Variants in TMEM33 observed in about 807,000 individuals in gnomAD.
TMEM33 encodes transmembrane protein 33.
In TMEM33, 16 loss-of-function variants were observed where a neutral mutation model predicts 29.7. That is an observed-to-expected ratio of 0.54 (90% CI 0.36 to 0.82). The LOEUF (loss-of-function observed/expected upper bound fraction) is 0.82. Among genes scored for constraint, TMEM33 ranks in the 40% least tolerant of loss-of-function variants. The pLI, the probability that TMEM33 is intolerant of heterozygous loss-of-function variation, is 0.00. For missense variants in TMEM33, 252 were observed against 295.3 expected, an observed-to-expected ratio of 0.85 and a Z score of 1.08; for synonymous variants, 112 against 109.4, an observed-to-expected ratio of 1.02 and a Z score of -0.15.
At chr4:41,937,806 A>G (rs1234857987) in intron 1 of TMEM33, among the ~76,000 whole-genome samples, 2 of 152,214 alleles carry the variant, frequency 1.3e-5, no homozygotes, top group Non-Finnish European at 2.9e-5. Context: ...TAGTGGTAAT[A>G]GACATAAGTA....
At chr4:41,949,548 G>A (rs1712948093) in intron 6 of TMEM33, among the ~76,000 whole-genome samples, 163 bp downstream of exon 6, 1 of 152,124 alleles carries the variant, frequency 6.6e-6, no homozygotes, top group South Asian at 2.1e-4. Flanking sequence ...TGGGGTTGGT[G>A]AGGAAGTGGT....
At chr4:41,950,379 AAAAG>A (rs1158822952) in intron 6 of TMEM33, among the ~76,000 whole-genome samples, 3 of 152,224 alleles carry the variant, frequency 2.0e-5, no homozygotes, top group Non-Finnish European at 4.4e-5. Context: ...AAGTACAGTA[AAAAG>A]AACTTGAATT....
intron 5 of TMEM33, among the ~76,000 whole-genome samples, chr4:41,947,503 T>G (rs1712847535): frequency 6.6e-6 from 1 of 152,202 alleles, no homozygotes; most frequent in African/African-American, 2.4e-5. Context: ...CTTAAATGTT[T>G]AATTTAAACA....
Position 41,942,370 on chromosome 4 carries a change from T to C in TMEM33, c.329-1377T>C, listed in dbSNP as rs116410272. Among the ~76,000 whole-genome samples, 733 of 152,330 alleles carry C rather than the reference T, an allele frequency of 4.8e-3. 12 individuals are homozygous for C. Among genetic ancestry groups the C allele is most frequent in the African/African-American group, 0.017 (707 of 41,572 alleles). On this transcript the variant is annotated intron_variant, in intron 3 of 6. Transcript: ENST00000504986. ...GTCAGGATATTAATTTGGAGAACTATATTAGGGAGTTAGGGTTCTTCTAAT... is the reference window on the plus strand; with the variant it reads ...GTCAGGATATTAATTTGGAGAACTACATTAGGGAGTTAGGGTTCTTCTAAT...
intron 6 of TMEM33, among the ~76,000 whole-genome samples, chr4:41,952,431 A>G (rs1332956728): frequency 6.6e-6 from 1 of 152,206 alleles, no homozygotes; most frequent in African/African-American, 2.4e-5. Flanking sequence ...AAAATTGTGA[A>G]TGGTTAAAAT....
At position 41,952,209 on chromosome 4, in the gene TMEM33, C is replaced by T. The variant is rs192682070; in HGVS notation, c.615-1861C>T. Among the ~76,000 whole-genome samples, 304 of 152,242 alleles carry T rather than the reference C, an allele frequency of 2.0e-3. 6 individuals carry two copies. Among genetic ancestry groups the T allele is most frequent in the Admixed American group, 0.018 (282 of 15,294 alleles). On this transcript the variant is annotated intron_variant, in intron 6 of 6. Transcript: ENST00000504986. ...GAAGCCTAAGAGTTGTAATGGTGCT[C>T]TCACGAAGACAGGAGATACAGGAAG...
chr4:41,948,248 A>G (rs925746145), intron 5 of TMEM33, among the ~76,000 whole-genome samples: 3 of 152,188 alleles, frequency 2.0e-5, no homozygotes, highest in Admixed American at 2.0e-4. Context: ...ACTTGTATAT[A>G]TACATTTCTG....
Position 41,952,256 on chromosome 4 carries a change from C to T in TMEM33, c.615-1814C>T, listed in dbSNP as rs139480757. The stretch of plus-strand genomic sequence containing the variant: ...GAAGGGCAGGTTTTGGAAAATTATG[C>T]ATTACTCCAAATATTATTATTCCTG... On this transcript the variant is annotated intron_variant, in intron 6 of 6. Transcript: ENST00000504986. Among the ~76,000 whole-genome samples the T allele has an allele frequency of 2.1e-3, 316 of 152,260 alleles. 1 individual carries two copies. The highest frequency in any genetic ancestry group is 7.1e-3 in the African/African-American group (295 of 41,548).
upstream of TMEM33, chr4:41,935,364 G>A: frequency 9.1e-7 from 1 of 1,095,628 alleles, no homozygotes; most frequent in African/African-American, 1.6e-5. Context: ...GGTGCATCCG[G>A]CCTGTGTGTG....
Position 41,960,711 on chromosome 4 carries a change from A to G in TMEM33, c.*6512A>G, listed in dbSNP as rs927804360. 2.6e-5 allele frequency: 4 copies of G among 152,128 alleles called. No homozygotes were observed. Among genetic ancestry groups the G allele is most frequent in the Non-Finnish European group, 5.9e-5 (4 of 67,980 alleles). 9.4% of individuals were successfully genotyped at this position (152,128 alleles called of 1,614,324 possible). A position where few individuals can be genotyped will look rare whatever the true frequency, so the allele number is the denominator to read the frequency against. ...GCCCATCACAAATAATAGAGATGCC[A>G]TGATTTTGAGGTCTGATGTGAAACT... On this transcript the variant is annotated 3_prime_UTR_variant, in exon 7 of 7. Transcript: ENST00000504986.
chr4:41,953,634 C>G, intron 6 of TMEM33: 1 of 388,644 alleles, frequency 2.6e-6, no homozygotes, highest in Admixed American at 2.9e-5. Context: ...CACTTAGAGG[C>G]CATTACAGGG....
At chr4:41,941,161 G>A (rs1282645418) in intron 3 of TMEM33, among the ~76,000 whole-genome samples, 1 of 152,118 alleles carries the variant, frequency 6.6e-6, no homozygotes, top group Admixed American at 6.5e-5. Flanking sequence ...AATTTTTCCT[G>A]TTTCAATGCA....
At chr4:41,941,295 G>C (rs2153126742) in intron 3 of TMEM33, among the ~76,000 whole-genome samples, 1 of 152,300 alleles carries the variant, frequency 6.6e-6, no homozygotes, top group South Asian at 2.1e-4. Flanking sequence ...GGCTTGACCA[G>C]CCTCTGTTGA....
At chr4:41,947,627 T>G (rs1172160827) in intron 5 of TMEM33, among the ~76,000 whole-genome samples, 1 of 152,198 alleles carries the variant, frequency 6.6e-6, no homozygotes, top group Non-Finnish European at 1.5e-5. Context: ...AAAATCAGCT[T>G]ATAAAGTGGT....
In TMEM33 at chr4:41,943,784, T is replaced by A; in HGVS notation, c.366T>A (p.His122Gln). Residue 122 changes from histidine (H) to glutamine (Q), a missense_variant, in exon 4 of 7, where the codon CAT becomes CAA. Coordinates refer to ENST00000504986, the MANE Select transcript of TMEM33 (RefSeq NM_018126.3). ...CAGTCTTGTTATTCTCTTTGCTTCATGCTGCCACATATACGAAAAAGGTCC... is the reference window on the plus strand; with the variant it reads ...CAGTCTTGTTATTCTCTTTGCTTCAAGCTGCCACATATACGAAAAAGGTCC... ...IFPVLLFSLLHAATYTKKVLD... is the reference protein window; with the variant it reads ...IFPVLLFSLLQAATYTKKVLD... The A allele has an allele frequency of 6.2e-7, 1 of 1,613,982 alleles. No individual in the cohort carries two copies. The highest frequency in any genetic ancestry group is 8.5e-7 in the Non-Finnish European group (1 of 1,179,944).
chr4:41,945,631 T>A (rs1227805827), intron 5 of TMEM33, among the ~76,000 whole-genome samples: 1 of 152,136 alleles, frequency 6.6e-6, no homozygotes, highest in Non-Finnish European at 1.5e-5. Flanking sequence ...ATATTATGGA[T>A]GTGGAGTTTT....
rs762923543 is a variant in TMEM33, at chr4:41,938,624, T to C, written c.68T>C (p.Leu23Pro). Reference protein sequence around the residue: ...GAVQFMMTNKLDTAMWLSRLF... With the variant: ...GAVQFMMTNKPDTAMWLSRLF... ...TAGCAATTCATGATGACCAATAAACTGGACACGGCAATGTGGCTTTCTCGC... is the reference window on the plus strand; with the variant it reads ...TAGCAATTCATGATGACCAATAAACCGGACACGGCAATGTGGCTTTCTCGC... Residue 23 changes from leucine (L) to proline (P), a missense_variant, in exon 2 of 7, where the codon CTG (leucine) becomes CCG (proline). By Grantham distance (98) the Leu-to-Pro change is moderately conservative. Transcript: ENST00000504986. 3 of 1,614,106 alleles carry C rather than the reference T, an allele frequency of 1.9e-6. No homozygotes were observed. Among genetic ancestry groups the C allele is most frequent in the Non-Finnish European group, 2.5e-6 (3 of 1,180,014 alleles).
At chr4:41,950,319 A>G (rs1712982934) in intron 6 of TMEM33, among the ~76,000 whole-genome samples, 1 of 152,180 alleles carries the variant, frequency 6.6e-6, no homozygotes, top group African/African-American at 2.4e-5. Context: ...ATAATGTAGA[A>G]TTCAGCTAGA....
At chr4:41,940,701 C>T (rs7685973) in intron 3 of TMEM33, among the ~76,000 whole-genome samples, 9,882 of 148,354 alleles carry the variant, frequency 0.067, 434 homozygotes, top group African/African-American at 0.12. Flanking sequence ...CCCAGCTGCT[C>T]GGGAGGCTGA....
Sources: gnomAD v4.1 joint callset for allele counts (sites outside exome capture counted in the v4.1 genomes callset) on GRCh38, gnomAD v4.1.1 for gene constraint, MANE v1.5 for transcripts, NCBI Gene and HGNC (gene_info 2026-07-23, HGNC 2026-07-21) for gene names.